Variants in ABCD3 observed in about 807,000 individuals in gnomAD.
ABCD3 encodes ATP-binding cassette sub-family D member 3.
In ABCD3, 41 loss-of-function variants were observed where a neutral mutation model predicts 105.5. That is an observed-to-expected ratio of 0.39 (90% confidence interval 0.30 to 0.50). The LOEUF is 0.50. ABCD3 is among the 20% of genes least tolerant of loss of function. The probability of loss-of-function intolerance (pLI) is 0.84; values close to 1 mark genes in which losing one functional copy is unlikely to be tolerated. For missense variants in ABCD3, 622 were observed against 806.3 expected (o/e 0.77, Z 2.77); for synonymous variants, 258 against 269.0 (o/e 0.96, Z 0.40).
the ABCD3 span, among the ~76,000 whole-genome samples, chr1:94,403,826 C>G: frequency 6.6e-6 from 1 of 152,112 alleles, no homozygotes; most frequent in East Asian, 1.9e-4. Flanking sequence ...CTACCCTGCT[C>G]CATCCCTGGA....
At chr1:94,459,492 A>G (rs1647763881) in intron 2 of ABCD3, among the ~76,000 whole-genome samples, 2 of 152,100 alleles carry the variant, frequency 1.3e-5, no homozygotes, top group Non-Finnish European at 2.9e-5. Flanking sequence ...TTCATCCTAA[A>G]ATTGCTTTTA....
intron 16 of ABCD3, among the ~76,000 whole-genome samples, chr1:94,496,980 C>T (rs1313357687): frequency 6.6e-6 from 1 of 151,938 alleles, no homozygotes; most frequent in Non-Finnish European, 1.5e-5. Flanking sequence ...GTTGGCCAGG[C>T]TGTACCAGCT....
the ABCD3 span, chr1:94,406,382 GT>G: frequency 5.6e-6 from 1 of 179,090 alleles, no homozygotes; most frequent in South Asian, 7.6e-5. Flanking sequence ...TGTTGTTGTT[GT>G]TTTACACTTA....
At chr1:94,513,532 A>C (rs890192283) in intron 21 of ABCD3, 1 of 152,094 alleles carries the variant, frequency 6.6e-6, no homozygotes, top group Non-Finnish European at 1.5e-5. Context: ...AAACTAATAT[A>C]AACTTACACA....
chr1:94,498,122 TA>T (rs947367138), intron 16 of ABCD3, among the ~76,000 whole-genome samples: 1 of 152,160 alleles, frequency 6.6e-6, no homozygotes, highest in African/African-American at 2.4e-5. Context: ...TCTGTCAGCC[TA>T]GGTGACATCA....
At chr1:94,504,022 C>T (rs972793386) in intron 20 of ABCD3, among the ~76,000 whole-genome samples, 3 of 150,132 alleles carry the variant, frequency 2.0e-5, no homozygotes, top group African/African-American at 4.9e-5. Context: ...AAGCGATTCT[C>T]CTGCCTCAGC....
the ABCD3 span, among the ~76,000 whole-genome samples, chr1:94,410,485 T>G: frequency 6.6e-6 from 1 of 152,232 alleles, no homozygotes; most frequent in Admixed American, 6.5e-5. Flanking sequence ...GGCCTGTGCT[T>G]CTTTTTGCCT....
intron 1 of ABCD3, 194 bp downstream of exon 1, chr1:94,418,782 C>A: frequency 1.6e-6 from 1 of 613,866 alleles, no homozygotes; most frequent in Non-Finnish European, 2.8e-6. Context: ...TCCCAGCTGG[C>A]CTGTCCGGCG....
intron 4 of ABCD3, among the ~76,000 whole-genome samples, chr1:94,471,580 T>G (rs1648462127): frequency 6.6e-6 from 1 of 152,162 alleles, no homozygotes; most frequent in Non-Finnish European, 1.5e-5. Flanking sequence ...ACACTCATTT[T>G]AAAGTTGTTA....
intron 6 of ABCD3, 22 bp downstream of exon 6, chr1:94,475,262 TA>T: frequency 7.5e-7 from 1 of 1,331,984 alleles, no homozygotes; most frequent in Non-Finnish European, 1.0e-6. Context: ...CCTATTTTTA[TA>T]TTAAAAATAT....
upstream of ABCD3, among the ~76,000 whole-genome samples, chr1:94,416,283 T>C (rs1659004855): frequency 6.6e-6 from 1 of 152,232 alleles, no homozygotes; most frequent in African/African-American, 2.4e-5. Context: ...AGAATTTAGC[T>C]ACAGAATCAC....
At chr1:94,385,941 G>A in the ABCD3 span, among the ~76,000 whole-genome samples, 1 of 152,138 alleles carries the variant, frequency 6.6e-6, no homozygotes, top group African/African-American at 2.4e-5. Context: ...GCTTATAGGA[G>A]TTATATTCAC....
rs566114930 is a variant in ABCD3, at chr1:94,454,189, G to A, written c.111-4418G>A. Among the ~76,000 whole-genome samples, 68 of 152,188 alleles carry A rather than the reference G, an allele frequency of 4.5e-4. 1 individual carries two copies. The South Asian group carries it at 0.014, about 32-fold the overall frequency. On this transcript the variant is annotated intron_variant, in intron 1 of 22. Transcript: ENST00000370214. ...GAAAACAAGTGAGAATATTATAATA[G>A]TTCACATGAGAAATTTTGATGGCCT...
chr1:94,491,873 A>G (rs1424798653), intron 16 of ABCD3, among the ~76,000 whole-genome samples: 1 of 152,146 alleles, frequency 6.6e-6, no homozygotes, highest in Non-Finnish European at 1.5e-5. Flanking sequence ...GGTTTTCTCT[A>G]TGTTGTGGCT....
At chr1:94,427,486 A>T (rs948496275) in intron 1 of ABCD3, among the ~76,000 whole-genome samples, 6 of 152,156 alleles carry the variant, frequency 3.9e-5, no homozygotes, top group African/African-American at 1.4e-4. Context: ...CCATTTAGAT[A>T]AGTAAGTTGT....
intron 10 of ABCD3, among the ~76,000 whole-genome samples, chr1:94,485,558 T>C (rs1649240187): frequency 6.6e-6 from 1 of 152,184 alleles, no homozygotes; most frequent in Non-Finnish European, 1.5e-5. Flanking sequence ...ACGGCTTGCT[T>C]ATTCTCATCC....
At chr1:94,389,431 G>A in the ABCD3 span, among the ~76,000 whole-genome samples, 49,147 of 152,112 alleles carry the variant, frequency 0.32, 8,508 homozygotes, top group South Asian at 0.39. Context: ...GCTTGAAGGC[G>A]TTCCTGAACC....
chr1:94,446,433 A>G (rs1002159812), intron 1 of ABCD3, among the ~76,000 whole-genome samples: 2 of 152,202 alleles, frequency 1.3e-5, no homozygotes, highest in Non-Finnish European at 2.9e-5. Flanking sequence ...ACAAATACAT[A>G]CAGGAGTCAT....
chr1:94,507,019 T>C (rs923316467), intron 21 of ABCD3, among the ~76,000 whole-genome samples: 4 of 152,212 alleles, frequency 2.6e-5, no homozygotes, highest in African/African-American at 9.6e-5. Context: ...CTTTAAGTTT[T>C]AGGGTACATG....
Sources: allele counts gnomAD v4.1 joint callset (sites outside exome capture counted in the v4.1 genomes callset), GRCh38; gene constraint gnomAD v4.1.1; transcripts MANE v1.5; gene names NCBI Gene and HGNC (gene_info 2026-07-23, HGNC 2026-07-21).